The following FHDC1 variants were observed in gnomAD, a reference collection of about 807,000 sequenced individuals.
FHDC1 encodes FH2 domain containing 1.
FHDC1 carries 25 observed loss-of-function variants against 52.6 expected under a neutral mutation model. The observed-to-expected ratio is 0.48, with a 90% CI of 0.35 to 0.66. The LOEUF is 0.66. FHDC1 is among the 30% of genes least tolerant of loss of function. The pLI is 0.01. For synonymous variants in FHDC1, 616 were observed against 581.5 expected (o/e 1.06, Z -0.85); for missense variants, 1,459 against 1,452.8 (o/e 1.00, Z -0.07).
chr4:152,939,710 G>A (rs928131481), intron 1 of FHDC1, among the ~76,000 whole-genome samples: 1 of 152,182 alleles, frequency 6.6e-6, no homozygotes, highest in African/African-American at 2.4e-5. Flanking sequence ...TAGCACTCAG[G>A]GGACTTGAGG....
intron 1 of FHDC1, among the ~76,000 whole-genome samples, chr4:152,940,179 C>G (rs1003524863): frequency 1.3e-5 from 2 of 152,158 alleles, no homozygotes; most frequent in African/African-American, 4.8e-5. Flanking sequence ...ACATCCTGGC[C>G]CAGGGGGAAA....
At chr4:152,925,902 A>C in the FHDC1 span, among the ~76,000 whole-genome samples, 1 of 151,704 alleles carries the variant, frequency 6.6e-6, no homozygotes, top group African/African-American at 2.4e-5. Context: ...AGGAGGGAGA[A>C]GGAGAAGGAG....
chr4:152,938,701 C>A (rs1003069398), intron 1 of FHDC1, among the ~76,000 whole-genome samples: 1 of 152,228 alleles, frequency 6.6e-6, no homozygotes, highest in Non-Finnish European at 1.5e-5. Flanking sequence ...CCCACCTCTT[C>A]TGTGGCACAT....
intron 6 of FHDC1, 84 bp from the exon 7 acceptor site, chr4:152,962,730 C>G: frequency 8.7e-7 from 1 of 1,149,486 alleles, no homozygotes; most frequent in Admixed American, 1.8e-5. Context: ...TTCAGATACA[C>G]TTGAACTTGG....
At chr4:152,959,172 G>A (rs2149950254) in intron 4 of FHDC1, among the ~76,000 whole-genome samples, 1 of 152,338 alleles carries the variant, frequency 6.6e-6, no homozygotes, top group African/African-American at 2.4e-5. Context: ...ACAGTTAGCT[G>A]CAAAGATAGG....
At chr4:152,932,456 G>A (rs1315960804), upstream of FHDC1, among the ~76,000 whole-genome samples, 1 of 151,362 alleles carries the variant, frequency 6.6e-6, no homozygotes, top group East Asian at 1.9e-4. Context: ...ATACAAATTT[G>A]CATTTTATAG....
At chr4:152,932,836 T>G (rs1415235680), upstream of FHDC1, among the ~76,000 whole-genome samples, 1 of 152,242 alleles carries the variant, frequency 6.6e-6, no homozygotes, top group African/African-American at 2.4e-5. Flanking sequence ...CTTTGTTTAG[T>G]TGTTCCTAAT....
At chr4:152,923,602 CA>C in the FHDC1 span, among the ~76,000 whole-genome samples, 1 of 152,174 alleles carries the variant, frequency 6.6e-6, no homozygotes, top group Non-Finnish European at 1.5e-5. Flanking sequence ...TACCTGACTT[CA>C]AACTATACTA....
At chr4:152,948,333 G>C (rs756409588) in intron 2 of FHDC1, among the ~76,000 whole-genome samples, 1 of 152,184 alleles carries the variant, frequency 6.6e-6, no homozygotes, top group African/African-American at 2.4e-5. Flanking sequence ...TAAGCCAGTC[G>C]CAAAGGACAA....
chr4:152,927,469 C>A, the FHDC1 span: 11 of 839,688 alleles, frequency 1.3e-5, no homozygotes, highest in African/African-American at 8.3e-5. Flanking sequence ...ATGATGGTAA[C>A]CTTGTTATCA....
chr4:152,929,848 A>G, the FHDC1 span, among the ~76,000 whole-genome samples: 1 of 152,206 alleles, frequency 6.6e-6, no homozygotes, highest in Non-Finnish European at 1.5e-5. The surrounding 1 kb of genome is among the most constrained non-coding windows in gnomAD (Gnocchi z 4.1). Context: ...TGTCATGGGA[A>G]GCATGGAGGG....
chr4:152,916,566 A>G, the FHDC1 span, among the ~76,000 whole-genome samples: 12 of 122,816 alleles, frequency 9.8e-5, no homozygotes, highest in South Asian at 3.0e-3. Context: ...AATGTTTTTC[A>G]TAATAACATT....
chr4:152,914,469 T>G, the FHDC1 span, among the ~76,000 whole-genome samples: 1 of 152,192 alleles, frequency 6.6e-6, no homozygotes, highest in Non-Finnish European at 1.5e-5. Context: ...TTAGGTCCAG[T>G]CTGAGCACCA....
Position 152,976,312 on chromosome 4 carries a change from C to A in FHDC1, c.3021C>A (p.Ser1007=). 1 of 1,613,650 alleles carries A rather than the reference C, an allele frequency of 6.2e-7. No homozygotes were observed. The highest frequency in any genetic ancestry group is 8.5e-7 in the Non-Finnish European group (1 of 1,180,006). ...PEENKTCRAH[S]EGPESPKEEP... is the part of the protein sequence containing the mutation. Reference sequence around the variant, plus strand: ...AAAATAAGACCTGCCGCGCCCACTCCGAGGGCCCTGAGAGTCCCAAAGAAG... The same window carrying A: ...AAAATAAGACCTGCCGCGCCCACTCAGAGGGCCCTGAGAGTCCCAAAGAAG... Residue 1007 remains serine (S), a synonymous_variant, in exon 12 of 12, where the codon TCC becomes TCA. Coordinates refer to ENST00000511601, the MANE Select transcript of FHDC1 (RefSeq NM_001371116.1).
At chr4:152,911,537 C>A in the FHDC1 span, 1 of 152,518 alleles carries the variant, frequency 6.6e-6, no homozygotes, top group African/African-American at 2.4e-5. Flanking sequence ...CAATGTAAAG[C>A]TCTTTTAGTT....
chr4:152,949,124 TAAGAAGAAGAAGAAGAAG>T (rs201070214), intron 2 of FHDC1, among the ~76,000 whole-genome samples: 1,098 of 74,620 alleles, frequency 0.015, 21 homozygotes, highest in African/African-American at 0.04. Context: ...ATAATAATAA[TAAGAAGAAGAAGAAGAAG>T]AAGAAGAAGA....
At chr4:152,937,327 C>T (rs926438283) in intron 1 of FHDC1, among the ~76,000 whole-genome samples, 3 of 152,118 alleles carry the variant, frequency 2.0e-5, no homozygotes, top group Non-Finnish European at 2.9e-5. Flanking sequence ...CCGGAAGACC[C>T]CCCCTTTCGT....
upstream of FHDC1, among the ~76,000 whole-genome samples, chr4:152,931,701 A>G (rs1368005469): frequency 6.6e-6 from 1 of 152,172 alleles, no homozygotes; most frequent in Non-Finnish European, 1.5e-5. Context: ...GGCAAATGTC[A>G]TTGATGCTAC....
At position 152,949,621 on chromosome 4, in the gene FHDC1, G is replaced by C. The variant is rs181210652; in HGVS notation, c.499-3878G>C. Among the ~76,000 whole-genome samples the C allele has an allele frequency of 1.3e-3, 194 of 152,342 alleles. 1 individual carries two copies. Among genetic ancestry groups the C allele is most frequent in the Middle Eastern group, 3.4e-3 (1 of 294 alleles). ...GATGAAGTGAATTGAAACTACAAAA[G>C]TTGTAGTAGAATAAACTAGAAGAGC... On this transcript the variant is annotated intron_variant, in intron 2 of 11. Coordinates refer to ENST00000511601, the MANE Select transcript of FHDC1 (RefSeq NM_001371116.1).
Sources: allele counts gnomAD v4.1 joint callset (sites outside exome capture counted in the v4.1 genomes callset), GRCh38; gene constraint gnomAD v4.1.1; non-coding constraint Gnocchi (gnomAD v3.1); transcripts MANE v1.5; gene names NCBI Gene and HGNC (gene_info 2026-07-23, HGNC 2026-07-21).